The following SMUG1 variants were observed in gnomAD, a reference collection of about 807,000 sequenced individuals.
The protein encoded by SMUG1 is single-strand selective monofunctional uracil DNA glycosylase.
Under a neutral mutation model 23.9 loss-of-function variants are expected in SMUG1, and 13 were observed. The ratio of observed to expected loss-of-function variants is 0.54; its 90% CI spans 0.35 to 0.86. The LOEUF (loss-of-function observed/expected upper bound fraction) is 0.86, where lower values mean the gene tolerates loss of function less well. Ranked by LOEUF, SMUG1 falls within the 40% of genes least tolerant of loss-of-function variation. SMUG1 has a pLI of 0.01. For missense variants in SMUG1, 313 were observed against 339.5 expected (o/e 0.92, Z 0.61); for synonymous variants, 133 against 139.8 (o/e 0.95, Z 0.34).
chr12:54,169,289 G>A (rs1197974082), intron 3 of SMUG1, among the ~76,000 whole-genome samples: 2 of 152,168 alleles, frequency 1.3e-5, no homozygotes, highest in Admixed American at 6.5e-5. Context: ...CAGCAGCAGA[G>A]GCAAGATAAA....
chr12:54,159,265 C>T (rs1190516208), intron 4 of SMUG1, among the ~76,000 whole-genome samples: 4 of 152,136 alleles, frequency 2.6e-5, no homozygotes, highest in African/African-American at 9.7e-5. Context: ...CTGTGCAGTC[C>T]GTCCCCCAAC....
chr12:54,161,565 T>C (rs1180665579), downstream of SMUG1, among the ~76,000 whole-genome samples: 3 of 152,204 alleles, frequency 2.0e-5, no homozygotes, highest in African/African-American at 7.2e-5. The surrounding 1 kb of genome is among the most constrained non-coding windows in gnomAD (Gnocchi z 4.2). Context: ...CTCCCCAGCC[T>C]CTGCTTCTCT....
At chr12:54,169,759 GAGTAAAATCAGGTACTC>G (rs914958474) in intron 3 of SMUG1, among the ~76,000 whole-genome samples, 53 of 152,318 alleles carry the variant, frequency 3.5e-4, no homozygotes, top group African/African-American at 1.2e-3. Flanking sequence ...TGCATGCTGT[GAGTAAAATCAGGTACTC>G]AGTAAAATCA....
At chr12:54,179,627 G>A (rs1238090626), downstream of SMUG1, among the ~76,000 whole-genome samples, 2 of 151,926 alleles carry the variant, frequency 1.3e-5, no homozygotes, top group Non-Finnish European at 2.9e-5. Flanking sequence ...GCATACCCTC[G>A]GGGTTTAAGG....
chr12:54,186,289 C>G (rs528503498), intron 2 of SMUG1, among the ~76,000 whole-genome samples: 1 of 152,270 alleles, frequency 6.6e-6, no homozygotes, highest in East Asian at 1.9e-4. Flanking sequence ...AACCCCACCC[C>G]CAACACAAGT....
At position 54,183,707 on chromosome 12, in the gene SMUG1, T is replaced by A; in HGVS notation, c.234A>T (p.Glu78Asp). 1 of 1,613,952 alleles carries A rather than the reference T, an allele frequency of 6.2e-7. No homozygotes were observed. The highest frequency in any genetic ancestry group is 8.5e-7 in the Non-Finnish European group (1 of 1,179,926). The change falls in exon 3 of 4, where the codon GAA (glutamate) becomes GAT (aspartate). Residue 78 changes from glutamate to aspartate, a missense_variant. Transcript: ENST00000682136. The stretch of plus-strand genomic sequence containing the variant: ...CAGGGTTCATGCCCAGGAAGAGTAC[T>A]TCCTTGGGGCCCTGGCAGTAGCGAG... ...YVTRYCQGPKEVLFLGMNPGP... is the reference protein window; with the variant it reads ...YVTRYCQGPKDVLFLGMNPGP...
At chr12:54,183,632 C>T (rs778603508) in intron 3 of SMUG1, 24 bp downstream of exon 3, 1 of 1,612,034 alleles carries the variant, frequency 6.2e-7, no homozygotes, top group East Asian at 2.2e-5. Flanking sequence ...CCACTCCACC[C>T]ACTGGGGAAG....
intron 3 of SMUG1, chr12:54,182,916 T>C: frequency 2.5e-6 from 1 of 401,398 alleles, no homozygotes. Flanking sequence ...ACACAGGGTT[T>C]GATGGTTAGT....
downstream of SMUG1, among the ~76,000 whole-genome samples, chr12:54,160,541 G>A (rs1159052050): frequency 2.0e-5 from 3 of 152,164 alleles, no homozygotes; most frequent in South Asian, 2.1e-4. Flanking sequence ...CTCCCATTCT[G>A]GGACAGGACT....
downstream of SMUG1, among the ~76,000 whole-genome samples, chr12:54,176,030 C>T (rs1024796651): frequency 6.6e-6 from 1 of 151,964 alleles, no homozygotes; most frequent in Non-Finnish European, 1.5e-5. Flanking sequence ...AGTTCAAGAC[C>T]GGCCTGACCA....
chr12:54,180,987 C>CA lies in SMUG1; in HGVS notation c.*1108dup, dbSNP rs59918785. On this transcript the variant is annotated 3_prime_UTR_variant, in exon 4 of 4. Coordinates refer to ENST00000682136, the MANE Select transcript of SMUG1 (RefSeq NM_001243787.2). ...TGGGCAACAGCATGAGACTCCATCTCAAAAAAAAAAAAAAAAGAGAGATCT... is the reference window on the plus strand; with the variant it reads ...TGGGCAACAGCATGAGACTCCATCTCAAAAAAAAAAAAAAAAAGAGAGATCT... 0.15 allele frequency: 15,566 copies of CA among 103,562 alleles called. 1,212 individuals carry two copies. The highest frequency in any genetic ancestry group is 0.27 in the East Asian group (1,019 of 3,720). 6.4% of individuals were successfully genotyped at this position (103,562 alleles called of 1,614,324 possible).
chr12:54,184,123 T>C (rs180912010), intron 2 of SMUG1, 164 bp from the exon 3 acceptor site: 9 of 512,290 alleles, frequency 1.8e-5, no homozygotes, highest in African/African-American at 1.7e-4. Context: ...TCATCTCAGT[T>C]CTTGGTAATG....
intron 2 of SMUG1, chr12:54,173,045 A>C (rs1031451167): frequency 8.0e-6 from 1 of 124,264 alleles, no homozygotes; most frequent in Non-Finnish European, 1.7e-5. Flanking sequence ...TTGAAGGTGG[A>C]AGGATGCAGA....
intron 3 of SMUG1, among the ~76,000 whole-genome samples, chr12:54,169,625 A>AG (rs1940565024): frequency 6.6e-6 from 1 of 152,294 alleles, no homozygotes; most frequent in East Asian, 1.9e-4. Flanking sequence ...GTCATAAGAA[A>AG]GGAAAGCAGA....
downstream of SMUG1, among the ~76,000 whole-genome samples, chr12:54,178,715 T>C (rs1940812364): frequency 6.6e-6 from 1 of 152,240 alleles, no homozygotes; most frequent in Non-Finnish European, 1.5e-5. Flanking sequence ...CTAGCTTCAA[T>C]CTACCTCTTC....
Position 54,182,637 on chromosome 12 carries a change from G to A in SMUG1, c.286-14C>T, listed in dbSNP as rs1397993070. The A allele has an allele frequency of 1.3e-6, 2 of 1,595,464 alleles. No homozygotes were observed. The highest frequency in any genetic ancestry group is 1.7e-6 in the Non-Finnish European group (2 of 1,170,720). On this transcript the variant is annotated splice_polypyrimidine_tract_variant and intron_variant, in intron 3 of 3. Coordinates refer to ENST00000682136, the MANE Select transcript of SMUG1 (RefSeq NM_001243787.2). ...CCCAAAGGGCACCTGTGAGGAAGGA[G>A]AGAGACATGAAAGGCTTCAAACTGG...
intron 3 of SMUG1, 61 bp downstream of exon 3, chr12:54,183,595 C>T (rs542574268): frequency 1.3e-6 from 2 of 1,569,140 alleles, no homozygotes; most frequent in South Asian, 1.1e-5. Flanking sequence ...CCACAGCACA[C>T]CCAGCCAAGC....
At chr12:54,176,507 T>TCCCC (rs74743496), downstream of SMUG1, among the ~76,000 whole-genome samples, 61 of 64,462 alleles carry the variant, frequency 9.5e-4, 5 homozygotes, top group African/African-American at 3.1e-3. Flanking sequence ...GAAGATCCTG[T>TCCCC]CCCCCCCCAA....
At chr12:54,159,403 GGA>G (rs995923210) in intron 4 of SMUG1, among the ~76,000 whole-genome samples, 10 of 152,150 alleles carry the variant, frequency 6.6e-5, no homozygotes, top group African/African-American at 2.4e-4. Flanking sequence ...GTCTGCAGCA[GGA>G]GAGTCAGGGC....
Sources: gnomAD v4.1 joint callset for allele counts (sites outside exome capture counted in the v4.1 genomes callset) on GRCh38, gnomAD v4.1.1 for gene constraint, Gnocchi (gnomAD v3.1) non-coding constraint, MANE v1.5 for transcripts, NCBI Gene and HGNC (gene_info 2026-07-23, HGNC 2026-07-21) for gene names.